ZNF516: variants seen among roughly 807,000 people sequenced by gnomAD.
The protein encoded by ZNF516 is zinc finger protein 516.
ZNF516 carries 19 observed loss-of-function variants against 79.7 expected under a neutral mutation model. That is an observed-to-expected ratio of 0.24 (90% CI 0.17 to 0.35). The LOEUF is 0.35. Ranked by LOEUF, ZNF516 falls within the 10% of genes least tolerant of loss-of-function variation. The pLI, the probability that ZNF516 is intolerant of heterozygous loss-of-function variation, is 1.00. For synonymous variants in ZNF516, 877 were observed against 739.5 expected, an observed-to-expected ratio of 1.19 and a Z score of -3.02; for missense variants, 1,678 against 1,679.5, an observed-to-expected ratio of 1.00 and a Z score of 0.02.
At chr18:76,439,174 G>C (rs1383669958) in intron 3 of ZNF516, among the ~76,000 whole-genome samples, 1 of 152,222 alleles carries the variant, frequency 6.6e-6, no homozygotes, top group Non-Finnish European at 1.5e-5. Context: ...ACAGTGTTTT[G>C]AGAGTAGTTA....
chr18:76,463,768 G>A (rs1913272811), intron 1 of ZNF516, among the ~76,000 whole-genome samples: 1 of 152,196 alleles, frequency 6.6e-6, no homozygotes, highest in African/African-American at 2.4e-5. Flanking sequence ...TTCAGGGTGT[G>A]GCACAGCTCT....
At chr18:76,433,738 C>T (rs1464486986) in intron 3 of ZNF516, among the ~76,000 whole-genome samples, 1 of 152,172 alleles carries the variant, frequency 6.6e-6, no homozygotes, top group Non-Finnish European at 1.5e-5. Context: ...TAAGCAAACG[C>T]CTAGTGAAGA....
chr18:76,477,056 T>C (rs2145758960), intron 1 of ZNF516, among the ~76,000 whole-genome samples: 1 of 152,346 alleles, frequency 6.6e-6, no homozygotes, highest in Non-Finnish European at 1.5e-5. Flanking sequence ...TTTGCCTACA[T>C]TTCCGTATGT....
Position 76,442,795 on chromosome 18 carries a change from C to T in ZNF516, c.260G>A (p.Gly87Glu), listed in dbSNP as rs1235855203. Residue 87 changes from glycine (G) to glutamate (E), a missense_variant, in exon 3 of 7, where the codon GGG (glycine) becomes GAG (glutamate). Gly to Glu is a moderately conservative substitution (Grantham distance 98, BLOSUM62 -2). Coordinates refer to ENST00000443185, the MANE Select transcript of ZNF516 (RefSeq NM_014643.4). ...CGGCTCGTGTCCCTGAATCAGAGTC[C>T]CCGTGCGGTGGCTCCGGATGTGAAT... Reference protein sequence around the residue: ...LKIHIRSHRTGTLIQGHEPEA... With the variant: ...LKIHIRSHRTETLIQGHEPEA... 5.0e-6 allele frequency: 8 copies of T among 1,607,978 alleles called. No individual in the cohort carries two copies. The highest frequency in any genetic ancestry group is 1.3e-5 in the African/African-American group (1 of 74,834).
chr18:76,469,309 T>G (rs957352048), intron 1 of ZNF516, among the ~76,000 whole-genome samples: 13 of 152,212 alleles, frequency 8.5e-5, no homozygotes, highest in African/African-American at 3.1e-4. Flanking sequence ...TTTATATTAC[T>G]AAAAAAGCCA....
chr18:76,460,912 G>A (rs758162201), intron 2 of ZNF516, among the ~76,000 whole-genome samples: 14 of 152,172 alleles, frequency 9.2e-5, no homozygotes, highest in Non-Finnish European at 1.9e-4. Flanking sequence ...GCCCGCCACG[G>A]TGGCTCACGC....
rs1270405508 is a variant in ZNF516, at chr18:76,416,395, C to T, written c.1810+24850G>A. Among the ~76,000 whole-genome samples the T allele has an allele frequency of 2.6e-5, 4 of 152,276 alleles. No individual in the cohort carries two copies. The East Asian group carries it at 7.7e-4, about 29-fold the overall frequency. ...GGCAGAGCCTACGCTGAAATGTCGC[C>T]CATGCTTTACACCATGTCAAAGGTC... is the stretch of plus-strand genomic sequence containing the variant. On this transcript the variant is annotated intron_variant, in intron 3 of 6. Coordinates refer to ENST00000443185, the MANE Select transcript of ZNF516 (RefSeq NM_014643.4).
At chr18:76,399,813 C>G (rs1465955294) in intron 3 of ZNF516, among the ~76,000 whole-genome samples, 2 of 152,152 alleles carry the variant, frequency 1.3e-5, no homozygotes, top group African/African-American at 4.8e-5. Flanking sequence ...CCCAGGTGGT[C>G]ACCACCTGCA....
intron 3 of ZNF516, among the ~76,000 whole-genome samples, chr18:76,425,924 G>C (rs2075587490): frequency 6.6e-6 from 1 of 152,216 alleles, no homozygotes; most frequent in African/African-American, 2.4e-5. Flanking sequence ...CACCCAAGCA[G>C]GCAAACCCCC....
Position 76,488,091 on chromosome 18 carries a change from C to T in ZNF516, c.-272+7053G>A, listed in dbSNP as rs1405440689. 20 of 985,254 alleles carry T rather than the reference C, an allele frequency of 2.0e-5. No individual in the cohort carries two copies. In the East Asian group the frequency reaches 4.5e-4, roughly 22 times the overall value. 61.0% of individuals were successfully genotyped at this position (985,254 alleles called of 1,614,324 possible). A position where few individuals can be genotyped will look rare whatever the true frequency, so the allele number is the denominator to read the frequency against. On this transcript the variant is annotated intron_variant, in intron 1 of 6. Transcript: ENST00000443185. ...TGCCTCCGAGAACCTCCACATCCCT[C>T]GGTGCCTCTCATACACGGGGAGATG... is the stretch of plus-strand genomic sequence containing the variant.
chr18:76,485,966 G>A (rs142097494), intron 1 of ZNF516, among the ~76,000 whole-genome samples: 455 of 150,746 alleles, frequency 3.0e-3, no homozygotes, highest in Non-Finnish European at 5.6e-3. Context: ...AAAATCACCA[G>A]AATAATCAGG....
rs1442356262 is a variant in ZNF516, at chr18:76,441,327, G to T, written c.1728C>A (p.Ala576=). 4 of 1,611,732 alleles carry T rather than the reference G, an allele frequency of 2.5e-6. No homozygotes were observed. The South Asian group carries it at 3.3e-5, about 13-fold the overall frequency. Residue 576 remains alanine (A), a synonymous_variant, in exon 3 of 7, where the codon GCC becomes GCA. Transcript: ENST00000443185. ...GGCCAGAGCCCGGGGAGTCAGCAGC[G>T]GCACAGGCGGAGCCAGGGCTGCTGG... is the stretch of plus-strand genomic sequence containing the variant. ...SQPSSPGSAC[A]AADSPGSGLA...
At chr18:76,412,744 C>T (rs1419094116) in intron 3 of ZNF516, among the ~76,000 whole-genome samples, 2 of 152,204 alleles carry the variant, frequency 1.3e-5, no homozygotes, top group Non-Finnish European at 2.9e-5. Context: ...GGACTCTTTT[C>T]CTCTCAAGAT....
intron 1 of ZNF516, among the ~76,000 whole-genome samples, chr18:76,494,932 T>C (rs950228254): frequency 1.4e-5 from 2 of 138,726 alleles, no homozygotes. Flanking sequence ...TATCCTGGAA[T>C]TGACGAGCAG....
Position 76,441,523 on chromosome 18 carries a change from T to C in ZNF516, c.1532A>G (p.Gln511Arg), listed in dbSNP as rs1482796854. The change falls in exon 3 of 7, where the codon CAG becomes CGG. Residue 511 changes from glutamine to arginine, a missense_variant. This residue lies in a region of ZNF516 where 1,294 missense variants were observed against 1,248.3 expected (regional missense o/e 1.04). Coordinates refer to ENST00000443185, the MANE Select transcript of ZNF516 (RefSeq NM_014643.4). The part of the protein sequence containing the change: ...PNRRAAATTG[Q>R]GKSSECFECG... ...CTCGAAGCACTCGGAGGACTTGCCCTGGCCGGTGGTGGCTGCGGCCCTGCG... is the reference window on the plus strand; with the variant it reads ...CTCGAAGCACTCGGAGGACTTGCCCCGGCCGGTGGTGGCTGCGGCCCTGCG... The C allele has an allele frequency of 3.8e-6, 6 of 1,578,500 alleles. No individual in the cohort carries two copies. Among genetic ancestry groups the C allele is most frequent in the Non-Finnish European group, 4.3e-6 (5 of 1,164,484 alleles).
chr18:76,491,647 GC>G, intron 1 of ZNF516: 1 of 676,452 alleles, frequency 1.5e-6, no homozygotes, highest in Non-Finnish European at 1.8e-6. Context: ...CCTCCTGGCA[GC>G]CCAGCAACAA....
intron 3 of ZNF516, among the ~76,000 whole-genome samples, chr18:76,432,005 A>G (rs2075667545): frequency 6.6e-6 from 1 of 152,234 alleles, no homozygotes. Context: ...TGCTATTCTA[A>G]GCAGCCACCA....
At chr18:76,406,711 C>T (rs1211566697) in intron 3 of ZNF516, among the ~76,000 whole-genome samples, 1 of 152,238 alleles carries the variant, frequency 6.6e-6, no homozygotes, top group Non-Finnish European at 1.5e-5. Flanking sequence ...TTCGCCAACA[C>T]GTTCCTGTAG....
chr18:76,359,718 T>TA lies in ZNF516; in HGVS notation c.*2779dup. 6.7e-6 allele frequency: 1 copy of TA among 149,492 alleles called. No homozygotes were observed. The highest frequency in any genetic ancestry group is 1.5e-5 in the Non-Finnish European group (1 of 67,538). 9.3% of individuals were successfully genotyped at this position (149,492 alleles called of 1,614,324 possible). A position where few individuals can be genotyped will look rare whatever the true frequency, so the allele number is the denominator to read the frequency against. On this transcript the variant is annotated 3_prime_UTR_variant, in exon 7 of 7. Transcript: ENST00000443185. ...CTAAGTTACATTAGACGCAACACTG[T>TA]AAAAAATCCTGTTAAGAAACAAGGA... is the stretch of plus-strand genomic sequence containing the variant.
Sources: allele counts gnomAD v4.1 joint callset (sites outside exome capture counted in the v4.1 genomes callset), GRCh38; gene constraint gnomAD v4.1.1; regional missense constraint gnomAD v4.1.1; transcripts MANE v1.5; gene names NCBI Gene and HGNC (gene_info 2026-07-23, HGNC 2026-07-21).